The following HSH2D variants were observed in gnomAD, a reference collection of about 807,000 sequenced individuals.
The protein encoded by HSH2D is hematopoietic SH2 domain containing, also known as hematopoietic SH2 domain-containing protein.
A neutral mutation model predicts 21.5 loss-of-function variants in HSH2D; 16 were observed. That is an observed-to-expected ratio of 0.74 (90% CI 0.50 to 1.13). The LOEUF is 1.13. Ranked by LOEUF, HSH2D falls within the 50% of genes most tolerant of loss-of-function variation. HSH2D has a pLI of 0.00. For missense variants in HSH2D, 418 were observed against 441.4 expected (o/e 0.95, Z 0.47); for synonymous variants, 172 against 184.7 (o/e 0.93, Z 0.56).
At chr19:16,140,928 G>A (rs538557510), upstream of HSH2D, among the ~76,000 whole-genome samples, 2 of 152,216 alleles carry the variant, frequency 1.3e-5, no homozygotes, top group African/African-American at 4.8e-5. Context: ...GCCACAGAGA[G>A]GTGAAGTGAG....
intron 4 of HSH2D, 80 bp from the exon 5 acceptor site, chr19:16,154,319 C>T (rs977465265): frequency 7.7e-6 from 7 of 908,658 alleles, no homozygotes; most frequent in Admixed American, 2.6e-5. Context: ...AGGGATGGTC[C>T]CTGAGACCTG....
intron 1 of HSH2D, among the ~76,000 whole-genome samples, chr19:16,146,949 C>T (rs1175390539): frequency 1.3e-5 from 2 of 151,926 alleles, no homozygotes; most frequent in East Asian, 2.0e-4. Context: ...CCTCAGCCTC[C>T]TGAGTAGCTG....
chr19:16,136,608 G>C (rs1157322550), intron 1 of HSH2D, among the ~76,000 whole-genome samples: 1 of 152,178 alleles, frequency 6.6e-6, no homozygotes, highest in Non-Finnish European at 1.5e-5. Flanking sequence ...AGCTTGCACG[G>C]GGAAATGCCA....
Position 16,157,397 on chromosome 19 carries a change from T to C in HSH2D, c.662T>C (p.Leu221Pro). ...PERGQRVRQQLKSHLATVNLS... is the reference protein window; with the variant it reads ...PERGQRVRQQPKSHLATVNLS... ...AGAGGCCAGAGGGTCCGGCAGCAGC[T>C]AAAAAGCCACCTCGCCACTGTGAAC... The change falls in exon 6 of 6, where the codon CTA becomes CCA. Residue 221 changes from leucine to proline, a missense_variant. Physicochemically the swap from Leu to Pro is moderately conservative, Grantham distance 98. Coordinates refer to ENST00000613986, the MANE Select transcript of HSH2D (RefSeq NM_001382417.1). This position sits in a 1 kb window ranked among gnomAD's most constrained non-coding sequence, Gnocchi z 4.4. The C allele has an allele frequency of 6.2e-7, 1 of 1,613,584 alleles. No individual in the cohort carries two copies. The highest frequency in any genetic ancestry group is 8.5e-7 in the Non-Finnish European group (1 of 1,179,780).
upstream of HSH2D, chr19:16,142,242 A>C (rs2091006913): frequency 6.6e-6 from 1 of 152,224 alleles, no homozygotes; most frequent in East Asian, 1.9e-4. Flanking sequence ...AGCCTGGGCA[A>C]TATAGCAAGA....
upstream of HSH2D, among the ~76,000 whole-genome samples, chr19:16,139,154 G>A (rs1262899718): frequency 6.6e-6 from 1 of 152,222 alleles, no homozygotes; most frequent in East Asian, 1.9e-4. Context: ...CACAGCACCC[G>A]GCCCGATCTT....
chr19:16,147,096 G>C (rs1432566011), intron 1 of HSH2D, among the ~76,000 whole-genome samples: 1 of 152,064 alleles, frequency 6.6e-6, no homozygotes, highest in East Asian at 1.9e-4. Context: ...AAAGTGCTGG[G>C]ATTACAGGCG....
At position 16,157,169 on chromosome 19, in the gene HSH2D, G is replaced by T. The variant is rs766258463; in HGVS notation, c.475-41G>T. 2.7e-6 allele frequency: 4 copies of T among 1,481,576 alleles called. No individual in the cohort carries two copies. The Admixed American group carries it at 7.0e-5, about 26-fold the overall frequency. 91.8% of individuals were successfully genotyped at this position (1,481,576 alleles called of 1,614,324 possible). On this transcript the variant is annotated intron_variant, in intron 5 of 5. Coordinates refer to ENST00000613986, the MANE Select transcript of HSH2D (RefSeq NM_001382417.1). This position sits in a 1 kb window ranked among gnomAD's most constrained non-coding sequence, Gnocchi z 4.4. ...TTTCTGGGACAGACATGGTGCTCTG[G>T]TGGGCAAGCTGCCCCAGGCCTCCCC... is the stretch of plus-strand genomic sequence containing the variant.
chr19:16,153,203 A>G lies in HSH2D; in HGVS notation c.376A>G (p.Arg126Gly). ...CAGGGAGCTGCTGACACAGCCCTGC[A>G]GGCAGGTGAGGGCGGGGACCCACAA... is the stretch of plus-strand genomic sequence containing the variant. ...PRRELLTQPC[R>G]QKDPANVDYE... The change falls in exon 4 of 6, where the codon AGG becomes GGG. Residue 126 changes from arginine to glycine, a missense_variant. Transcript: ENST00000613986. 2.6e-6 allele frequency: 4 copies of G among 1,536,206 alleles called. No homozygotes were observed. Among genetic ancestry groups the G allele is most frequent in the Non-Finnish European group, 3.5e-6 (4 of 1,142,374 alleles).
intron 1 of HSH2D, among the ~76,000 whole-genome samples, chr19:16,135,477 C>G (rs1177298415): frequency 2.6e-5 from 4 of 151,980 alleles, no homozygotes; most frequent in Admixed American, 2.6e-4. Context: ...CTTAGGGATA[C>G]AACTTACGCC....
At chr19:16,148,671 A>C (rs2091104293) in intron 1 of HSH2D, 53 bp from the exon 2 acceptor site, 1 of 1,554,896 alleles carries the variant, frequency 6.4e-7, no homozygotes, top group Non-Finnish European at 8.9e-7. Flanking sequence ...AATAGAGCAA[A>C]GATAAGAGGT....
intron 1 of HSH2D, among the ~76,000 whole-genome samples, chr19:16,134,794 C>T (rs546042759): frequency 6.6e-6 from 1 of 152,038 alleles, no homozygotes; most frequent in Non-Finnish European, 1.5e-5. Context: ...AGTGTCCTTA[C>T]GAAACTGAAA....
chr19:16,145,668 G>T (rs969068797), intron 1 of HSH2D, among the ~76,000 whole-genome samples: 3 of 152,188 alleles, frequency 2.0e-5, no homozygotes, highest in Non-Finnish European at 4.4e-5. Context: ...ACTGCCATTG[G>T]TCAACAGACC....
intron 1 of HSH2D, among the ~76,000 whole-genome samples, chr19:16,135,387 C>G (rs1041924958): frequency 6.6e-6 from 1 of 152,040 alleles, no homozygotes; most frequent in South Asian, 2.1e-4. Flanking sequence ...TGTGACCACA[C>G]CACTACATTC....
chr19:16,149,399 C>T (rs1157836820), intron 2 of HSH2D, among the ~76,000 whole-genome samples: 22 of 152,110 alleles, frequency 1.4e-4, no homozygotes, highest in Non-Finnish European at 2.9e-5. Flanking sequence ...GATAGGGTTT[C>T]ACCATGTTGG....
chr19:16,138,134 C>T (rs12462700), intron 1 of HSH2D, among the ~76,000 whole-genome samples: 20,964 of 151,964 alleles, frequency 0.14, 1,783 homozygotes, highest in East Asian at 0.3. Flanking sequence ...TCCCAAAGTG[C>T]TAGAATTACA....
intron 1 of HSH2D, chr19:16,134,304 A>G (rs1011921962): frequency 1.3e-5 from 2 of 152,208 alleles, no homozygotes; most frequent in South Asian, 2.1e-4. Context: ...AGCCAGTCAC[A>G]TAGGAACCCT....
At chr19:16,136,163 C>T (rs2090962627) in intron 1 of HSH2D, among the ~76,000 whole-genome samples, 1 of 152,190 alleles carries the variant, frequency 6.6e-6, no homozygotes, top group East Asian at 1.9e-4. Context: ...AGCACGCACT[C>T]AGGAGGACCC....
intron 1 of HSH2D, among the ~76,000 whole-genome samples, chr19:16,146,586 G>C (rs776183470): frequency 6.6e-6 from 1 of 152,060 alleles, no homozygotes; most frequent in Non-Finnish European, 1.5e-5. Context: ...GTTGAAGTGG[G>C]AGGATTGCTT....
Sources: gnomAD v4.1 joint callset for allele counts (sites outside exome capture counted in the v4.1 genomes callset) on GRCh38, gnomAD v4.1.1 for gene constraint, Gnocchi (gnomAD v3.1) non-coding constraint, MANE v1.5 for transcripts, NCBI Gene and HGNC (gene_info 2026-07-23, HGNC 2026-07-21) for gene names.